Variants in ASPRV1 observed in about 807,000 individuals in gnomAD.
The protein encoded by ASPRV1 is aspartic peptidase retroviral like 1.
A neutral mutation model predicts 11.0 loss-of-function variants in ASPRV1; 7 were observed. The ratio of observed to expected loss-of-function variants is 0.64; its 90% CI spans 0.36 to 1.20. The LOEUF (loss-of-function observed/expected upper bound fraction) is 1.20, where lower values mean the gene tolerates loss of function less well. Ranked by LOEUF, ASPRV1 falls within the 50% of genes most tolerant of loss-of-function variation. ASPRV1 has a pLI of 0.02. For synonymous variants in ASPRV1, 136 were observed against 138.4 expected (o/e 0.98, Z 0.12); for missense variants, 299 against 320.0 (o/e 0.93, Z 0.50).
At chr2:70,080,617 G>A in the ASPRV1 span, among the ~76,000 whole-genome samples, 2 of 152,030 alleles carry the variant, frequency 1.3e-5, no homozygotes, top group African/African-American at 4.8e-5. Context: ...TAGAATCTCT[G>A]GACAGGAAGT....
chr2:70,077,279 A>T, the ASPRV1 span: 3 of 152,134 alleles, frequency 2.0e-5, no homozygotes, highest in South Asian at 6.2e-4. Flanking sequence ...TTTCATCTAA[A>T]AGGAAAGGGT....
At chr2:70,016,532 C>T in the ASPRV1 span, among the ~76,000 whole-genome samples, 2 of 152,008 alleles carry the variant, frequency 1.3e-5, no homozygotes, top group Non-Finnish European at 2.9e-5. Context: ...CAAAGCAAGA[C>T]CAGCAAACCA....
chr2:69,987,620 C>T, the ASPRV1 span, among the ~76,000 whole-genome samples: 1 of 150,812 alleles, frequency 6.6e-6, no homozygotes, highest in Non-Finnish European at 1.5e-5. Flanking sequence ...CCGGGCAGCA[C>T]ATGCCTGTAG....
At chr2:70,065,539 A>G in the ASPRV1 span, among the ~76,000 whole-genome samples, 12 of 152,136 alleles carry the variant, frequency 7.9e-5, no homozygotes, top group African/African-American at 2.9e-4. Context: ...ATAAAAGCAT[A>G]TGGGTAGATA....
the ASPRV1 span, among the ~76,000 whole-genome samples, chr2:70,004,067 C>G: frequency 6.6e-6 from 1 of 152,140 alleles, no homozygotes; most frequent in Non-Finnish European, 1.5e-5. Context: ...TGAGAGGAAT[C>G]CCACACTGGC....
At chr2:69,982,096 G>A in the ASPRV1 span, among the ~76,000 whole-genome samples, 1 of 151,106 alleles carries the variant, frequency 6.6e-6, no homozygotes, top group Admixed American at 6.6e-5. Flanking sequence ...TCCATCCATC[G>A]GGCACAAGAG....
At chr2:70,014,719 G>C in the ASPRV1 span, 1 of 146,952 alleles carries the variant, frequency 6.8e-6, no homozygotes, top group Non-Finnish European at 1.5e-5. Flanking sequence ...AGCATCCCTT[G>C]AGCCAGGAAG....
At chr2:70,046,129 G>A in the ASPRV1 span, 5 of 152,204 alleles carry the variant, frequency 3.3e-5, no homozygotes, top group African/African-American at 9.7e-5. Context: ...AGAACTTGGA[G>A]CCTTGGCTAC....
At chr2:70,026,304 A>C in the ASPRV1 span, among the ~76,000 whole-genome samples, 1 of 151,442 alleles carries the variant, frequency 6.6e-6, no homozygotes, top group Non-Finnish European at 1.5e-5. Context: ...TACATATGGA[A>C]TGAGAAAAGG....
the ASPRV1 span, among the ~76,000 whole-genome samples, chr2:70,004,851 G>A: frequency 2.5e-4 from 38 of 152,168 alleles, no homozygotes; most frequent in African/African-American, 9.2e-4. Flanking sequence ...ACTGGTCCCC[G>A]TCTGTTGTTA....
the ASPRV1 span, among the ~76,000 whole-genome samples, chr2:70,064,596 G>C: frequency 6.6e-6 from 1 of 152,084 alleles, no homozygotes; most frequent in African/African-American, 2.4e-5. Context: ...CACACGCAAA[G>C]GCCTTGCAGC....
the ASPRV1 span, among the ~76,000 whole-genome samples, chr2:70,040,066 A>G: frequency 6.6e-6 from 1 of 152,246 alleles, no homozygotes; most frequent in Non-Finnish European, 1.5e-5. Flanking sequence ...TCCAGGTTAC[A>G]ATGCCAATAG....
chr2:69,990,838 C>T, the ASPRV1 span, among the ~76,000 whole-genome samples: 3 of 152,138 alleles, frequency 2.0e-5, no homozygotes, highest in Admixed American at 6.6e-5. Flanking sequence ...TCATCAACTT[C>T]TTGGGAAGGG....
chr2:70,034,570 CAA>C, the ASPRV1 span, among the ~76,000 whole-genome samples: 53 of 84,912 alleles, frequency 6.2e-4, no homozygotes, highest in Non-Finnish European at 5.8e-4. Flanking sequence ...GACTTTGTCT[CAA>C]AAAAAAAAAA....
At chr2:69,945,427 A>T in the ASPRV1 span, among the ~76,000 whole-genome samples, 1 of 152,208 alleles carries the variant, frequency 6.6e-6, no homozygotes, top group Non-Finnish European at 1.5e-5. Flanking sequence ...CTGGGTGGCG[A>T]GGCAGCTCCC....
the ASPRV1 span, chr2:69,937,179 A>G: frequency 3.7e-6 from 6 of 1,605,740 alleles, no homozygotes; most frequent in African/African-American, 2.7e-5. Flanking sequence ...TGCGGGGGCC[A>G]TTGCCCATTT....
the ASPRV1 span, among the ~76,000 whole-genome samples, chr2:69,943,505 G>A: frequency 1.3e-5 from 2 of 152,172 alleles, no homozygotes; most frequent in Middle Eastern, 3.2e-3. Flanking sequence ...AGCTTCGTGG[G>A]GCTGCGGTGT....
chr2:70,079,584 GA>G, the ASPRV1 span, among the ~76,000 whole-genome samples: 5 of 151,156 alleles, frequency 3.3e-5, no homozygotes, highest in African/African-American at 9.7e-5. Context: ...TGAAGAATAA[GA>G]AAAAAAAAGT....
chr2:69,937,313 C>T, the ASPRV1 span: 3 of 1,614,052 alleles, frequency 1.9e-6, no homozygotes, highest in African/African-American at 2.7e-5. Context: ...GAAGAGGCAG[C>T]TGGAGAAGCT....
Sources: allele counts gnomAD v4.1 joint callset (sites outside exome capture counted in the v4.1 genomes callset), GRCh38; gene constraint gnomAD v4.1.1; transcripts MANE v1.5; gene names NCBI Gene and HGNC (gene_info 2026-07-23, HGNC 2026-07-21).